MEP1A: variants seen among roughly 807,000 people sequenced by gnomAD.
MEP1A encodes N-benzoyl-L-tyrosyl-P-amino-benzoic acid hydrolase subunit alpha.
In MEP1A, 68 loss-of-function variants were observed where a neutral mutation model predicts 84.5. That is an observed-to-expected ratio of 0.80 (90% CI 0.66 to 0.98). MEP1A has a LOEUF of 0.98. MEP1A is among the 50% of genes least tolerant of loss of function. The pLI is 0.00. For missense variants in MEP1A, 887 were observed against 919.9 expected (o/e 0.96, Z 0.46); for synonymous variants, 337 against 336.8 (o/e 1.00, Z -0.01).
At chr6:46,802,269 T>C (rs890320605) in intron 5 of MEP1A, among the ~76,000 whole-genome samples, 4 of 151,956 alleles carry the variant, frequency 2.6e-5, no homozygotes, top group Admixed American at 2.6e-4. Flanking sequence ...CCGTGTTTTA[T>C]AAATTTCAGT....
At chr6:46,805,962 TTCTC>T (rs1295858634) in intron 5 of MEP1A, among the ~76,000 whole-genome samples, 1 of 152,070 alleles carries the variant, frequency 6.6e-6, no homozygotes, top group Non-Finnish European at 1.5e-5. Flanking sequence ...CTGAACATTT[TTCTC>T]TCTGTCTCTT....
chr6:46,838,554 C>T lies in MEP1A; in HGVS notation c.2085-426C>T, dbSNP rs143751536. Among the ~76,000 whole-genome samples the T allele has an allele frequency of 1.1e-3, 173 of 152,244 alleles. 2 individuals carry two copies. The East Asian group carries it at 0.027, about 24-fold the overall frequency. ...TTAAGTTACCACTGATGCTCTAAGT[C>T]GGTCTATATCTGGGGAATTTCCTTT... On this transcript the variant is annotated intron_variant, in intron 13 of 13. Coordinates refer to ENST00000230588, the MANE Select transcript of MEP1A (RefSeq NM_005588.3).
downstream of MEP1A, among the ~76,000 whole-genome samples, chr6:46,840,146 G>C (rs1205731068): frequency 6.6e-6 from 1 of 152,122 alleles, no homozygotes; most frequent in Admixed American, 6.5e-5. Context: ...AAGTCATAAG[G>C]TTTCCTAAGT....
At chr6:46,827,403 G>A (rs945962961) in intron 9 of MEP1A, among the ~76,000 whole-genome samples, 2 of 152,168 alleles carry the variant, frequency 1.3e-5, no homozygotes, top group Admixed American at 1.3e-4. Flanking sequence ...CTCTCCAGAG[G>A]TTCCGTTTAT....
At position 46,825,413 on chromosome 6, in the gene MEP1A, C is replaced by G; in HGVS notation, c.698C>G (p.Pro233Arg). The G allele has an allele frequency of 6.2e-7, 1 of 1,613,838 alleles. No homozygotes were observed. Among genetic ancestry groups the G allele is most frequent in the Non-Finnish European group, 8.5e-7 (1 of 1,179,866 alleles). Residue 233 changes from proline to arginine, a missense_variant, in exon 8 of 14, where the codon CCT (proline) becomes CGT (arginine). Physicochemically the swap from Pro to Arg is moderately radical, Grantham distance 103. Coordinates refer to ENST00000230588, the MANE Select transcript of MEP1A (RefSeq NM_005588.3). ...ASVPTITAKIPEFNSIIGQRL... is the reference protein window; with the variant it reads ...ASVPTITAKIREFNSIIGQRL... ...GTTCCCACCATCACAGCCAAGATCC[C>G]TGAGTTTAACTCCATTATCGGACAG...
At chr6:46,828,259 G>T in intron 9 of MEP1A, among the ~76,000 whole-genome samples, 1 of 147,414 alleles carries the variant, frequency 6.8e-6, no homozygotes, top group Non-Finnish European at 1.5e-5. Context: ...TTCTAACCCA[G>T]GCATTCAATA....
chr6:46,799,568 A>G (rs1408869441), intron 5 of MEP1A, among the ~76,000 whole-genome samples: 1 of 152,136 alleles, frequency 6.6e-6, no homozygotes, highest in African/African-American at 2.4e-5. Context: ...TTTTTCTTAC[A>G]AGAGAAACAT....
In MEP1A at chr6:46,833,247, A is replaced by G. The variant is rs2150756523; in HGVS notation, c.1318A>G (p.Asn440Asp). The G allele has an allele frequency of 6.2e-7, 1 of 1,614,190 alleles. No homozygotes were observed. The highest frequency in any genetic ancestry group is 2.2e-5 in the East Asian group (1 of 44,886). The change falls in exon 11 of 14, where the codon AAT becomes GAT. Residue 440 changes from asparagine to aspartate, a missense_variant. Physicochemically the swap from Asn to Asp is conservative, Grantham distance 23. Coordinates refer to ENST00000230588, the MANE Select transcript of MEP1A (RefSeq NM_005588.3). ...CCCCACAGGGGTCTGGACAGTCCGG[A>G]ATTTCTCCCAAGTCCTTGAGAACAC... is the stretch of plus-strand genomic sequence containing the variant. ...PCPTGVWTVR[N>D]FSQVLENTSK...
At chr6:46,820,120 A>G (rs2150749877) in intron 7 of MEP1A, among the ~76,000 whole-genome samples, 1 of 152,344 alleles carries the variant, frequency 6.6e-6, no homozygotes, top group Admixed American at 6.5e-5. Flanking sequence ...GGGCATACTC[A>G]AGAAGTATTT....
At chr6:46,797,792 C>CTCTTTCTT (rs552272095) in intron 3 of MEP1A, among the ~76,000 whole-genome samples, 5,088 of 136,726 alleles carry the variant, frequency 0.037, 153 homozygotes, top group East Asian at 0.13. Flanking sequence ...TTCTTTCTTT[C>CTCTTTCTT]TCTTTCTTTC....
intron 6 of MEP1A, among the ~76,000 whole-genome samples, chr6:46,814,081 A>G (rs1472895736): frequency 1.3e-5 from 2 of 152,102 alleles, no homozygotes; most frequent in African/African-American, 4.8e-5. Context: ...AGATTCTTAT[A>G]TTTGGATGTC....
At chr6:46,806,619 G>T (rs956005782) in intron 5 of MEP1A, among the ~76,000 whole-genome samples, 9 of 151,980 alleles carry the variant, frequency 5.9e-5, no homozygotes, top group African/African-American at 1.9e-4. Context: ...CTACTGAGGG[G>T]CTTGGAGCCT....
At chr6:46,837,994 C>T (rs1403628861) in intron 13 of MEP1A, among the ~76,000 whole-genome samples, 2 of 151,472 alleles carry the variant, frequency 1.3e-5, no homozygotes, top group African/African-American at 4.9e-5. Flanking sequence ...CGGGTTCAAG[C>T]AATTCTACTG....
At chr6:46,801,308 C>T (rs1425377312) in intron 5 of MEP1A, among the ~76,000 whole-genome samples, 1 of 151,984 alleles carries the variant, frequency 6.6e-6, no homozygotes. Flanking sequence ...GTAGTTATAG[C>T]CATTTTAGTA....
chr6:46,834,831 C>A, intron 12 of MEP1A, 80 bp downstream of exon 12: 2 of 1,125,664 alleles, frequency 1.8e-6, no homozygotes, highest in South Asian at 1.4e-5. Context: ...TTAAAGCACA[C>A]ACGGAGGGTG....
At chr6:46,829,875 A>T (rs2150754868) in intron 10 of MEP1A, among the ~76,000 whole-genome samples, 1 of 152,276 alleles carries the variant, frequency 6.6e-6, no homozygotes, top group Admixed American at 6.5e-5. Context: ...GAGAAAGCAA[A>T]GGCCAAGACT....
At position 46,793,483 on chromosome 6, in the gene MEP1A, CT is replaced by C; in HGVS notation, c.69+21del. 1 of 1,607,708 alleles carries C rather than the reference CT, an allele frequency of 6.2e-7. No homozygotes were observed. The highest frequency in any genetic ancestry group is 2.2e-5 in the East Asian group (1 of 44,778). On this transcript the variant is annotated intron_variant, in intron 1 of 13. Coordinates refer to ENST00000230588, the MANE Select transcript of MEP1A (RefSeq NM_005588.3). ...AGCTGTACCGGTAAGTCGAGTCCTG[CT>C]TTTTGGATATTTAGAAATATTAATT...
intron 3 of MEP1A, among the ~76,000 whole-genome samples, chr6:46,795,698 G>T (rs988609551): frequency 2.6e-5 from 4 of 152,092 alleles, no homozygotes; most frequent in South Asian, 4.1e-4. Flanking sequence ...CCTTTGACAG[G>T]CCTCATAACT....
At chr6:46,811,696 T>C (rs1767502680) in intron 6 of MEP1A, among the ~76,000 whole-genome samples, 1 of 152,072 alleles carries the variant, frequency 6.6e-6, no homozygotes, top group Admixed American at 6.6e-5. Context: ...TGGTGGACTT[T>C]GCCAAATGCT....
Sources: allele counts gnomAD v4.1 joint callset (sites outside exome capture counted in the v4.1 genomes callset), GRCh38; gene constraint gnomAD v4.1.1; transcripts MANE v1.5; gene names NCBI Gene and HGNC (gene_info 2026-07-23, HGNC 2026-07-21).